Variants in RANBP2 observed in about 807,000 individuals in gnomAD.
RANBP2 encodes the protein E3 SUMO-protein ligase RanBP2.
Under a neutral mutation model 303.6 loss-of-function variants are expected in RANBP2, and 57 were observed. The observed-to-expected ratio is 0.19, with a 90% CI of 0.15 to 0.23. RANBP2 has a LOEUF of 0.23. RANBP2 is among the 10% of genes least tolerant of loss of function. The probability of loss-of-function intolerance (pLI) is 1.00; values close to 1 mark genes in which losing one functional copy is unlikely to be tolerated. For missense variants in RANBP2, 3,138 were observed against 3,780.8 expected, an observed-to-expected ratio of 0.83 and a Z score of 4.46; for synonymous variants, 1,167 against 1,301.5, an observed-to-expected ratio of 0.90 and a Z score of 2.23.
At chr2:108,892,462 A>C in the RANBP2 span, among the ~76,000 whole-genome samples, 1 of 151,576 alleles carries the variant, frequency 6.6e-6, no homozygotes, top group African/African-American at 2.4e-5. Context: ...CAGCAGCAAC[A>C]ATCTGGGTTT....
chr2:108,873,867 G>T, the RANBP2 span, among the ~76,000 whole-genome samples: 1 of 152,218 alleles, frequency 6.6e-6, no homozygotes, highest in South Asian at 2.1e-4. Flanking sequence ...GGACAAGCTT[G>T]ATTTAGACCT....
intron 1 of RANBP2, among the ~76,000 whole-genome samples, chr2:108,724,934 C>T (rs1694575270): frequency 6.6e-6 from 1 of 151,832 alleles, no homozygotes; most frequent in African/African-American, 2.4e-5. Flanking sequence ...TTTGACTGTG[C>T]AAGATGGGCG....
At chr2:108,770,216 T>C (rs190852927) in intron 20 of RANBP2, among the ~76,000 whole-genome samples, 57 of 152,304 alleles carry the variant, frequency 3.7e-4, no homozygotes, top group African/African-American at 1.3e-3. Flanking sequence ...ATGAAGACTT[T>C]AGACATGAGT....
chr2:109,657,136 C>T, the RANBP2 span, among the ~76,000 whole-genome samples: 9 of 152,130 alleles, frequency 5.9e-5, no homozygotes, highest in East Asian at 1.9e-4. Flanking sequence ...GAGTGCCCAA[C>T]GGTTATTGAC....
chr2:108,753,300 T>C, intron 13 of RANBP2, 126 bp from the exon 14 acceptor site: 4 of 1,604,936 alleles, frequency 2.5e-6, no homozygotes, highest in Non-Finnish European at 3.4e-6. Flanking sequence ...CTCTCACACA[T>C]AAGATATGAC....
At chr2:109,497,990 A>C in the RANBP2 span, among the ~76,000 whole-genome samples, 2 of 151,960 alleles carry the variant, frequency 1.3e-5, no homozygotes, top group African/African-American at 4.8e-5. Flanking sequence ...GATGGCGCTG[A>C]TCCTGTGGGC....
the RANBP2 span, among the ~76,000 whole-genome samples, chr2:109,607,095 C>T: frequency 6.6e-6 from 1 of 152,192 alleles, no homozygotes; most frequent in East Asian, 1.9e-4. Context: ...ATGGCCATCG[C>T]TTCGTTTACT....
chr2:109,198,069 C>T, the RANBP2 span, among the ~76,000 whole-genome samples: 1 of 152,130 alleles, frequency 6.6e-6, no homozygotes, highest in Non-Finnish European at 1.5e-5. Context: ...TGCAGTGTGT[C>T]AGTTGGGGGT....
At chr2:109,002,589 C>G in the RANBP2 span, among the ~76,000 whole-genome samples, 2 of 152,192 alleles carry the variant, frequency 1.3e-5, no homozygotes, top group Non-Finnish European at 2.9e-5. Context: ...CACAACCTGG[C>G]CCAGCCATCT....
the RANBP2 span, among the ~76,000 whole-genome samples, chr2:108,987,268 C>A: frequency 7.2e-5 from 11 of 152,210 alleles, no homozygotes; most frequent in African/African-American, 1.9e-4. Context: ...GTCAGGTAAC[C>A]CAGCTTCCAT....
chr2:108,864,629 C>G, the RANBP2 span, among the ~76,000 whole-genome samples: 1 of 151,938 alleles, frequency 6.6e-6, no homozygotes. Context: ...AACCCTGTCT[C>G]TACTAAAAAA....
chr2:109,684,200 C>T, the RANBP2 span, among the ~76,000 whole-genome samples: 1 of 145,536 alleles, frequency 6.9e-6, no homozygotes, highest in African/African-American at 2.5e-5. Flanking sequence ...CCTTAGCCTC[C>T]CAAAGTGCTG....
the RANBP2 span, chr2:109,552,896 A>G: frequency 4.0e-5 from 25 of 623,426 alleles, no homozygotes; most frequent in Non-Finnish European, 5.8e-5. Flanking sequence ...AAAAAAAAAG[A>G]AGGCCAAAGT....
At chr2:109,760,115 T>A in the RANBP2 span, among the ~76,000 whole-genome samples, 1 of 135,046 alleles carries the variant, frequency 7.4e-6, no homozygotes. Context: ...AATGTCATAG[T>A]GACTATATAA....
At chr2:109,313,308 G>A in the RANBP2 span, among the ~76,000 whole-genome samples, 1 of 152,224 alleles carries the variant, frequency 6.6e-6, no homozygotes, top group Non-Finnish European at 1.5e-5. Flanking sequence ...ATCCCAAGGG[G>A]GGAGGCTGGC....
chr2:108,980,191 G>C, the RANBP2 span, among the ~76,000 whole-genome samples: 1 of 152,138 alleles, frequency 6.6e-6, no homozygotes, highest in African/African-American at 2.4e-5. Context: ...AAGGTCTCCT[G>C]GTTGTTCTTT....
chr2:108,953,646 C>T, the RANBP2 span, among the ~76,000 whole-genome samples: 1 of 152,060 alleles, frequency 6.6e-6, no homozygotes, highest in Non-Finnish European at 1.5e-5. Context: ...TCTAGGAAGA[C>T]TAATTTGGTG....
chr2:108,854,028 A>T, the RANBP2 span, among the ~76,000 whole-genome samples: 3 of 109,090 alleles, frequency 2.8e-5, no homozygotes, highest in Non-Finnish European at 5.3e-5. Flanking sequence ...ATAAATTTAT[A>T]TTATATATAA....
chr2:109,076,761 A>G, the RANBP2 span, among the ~76,000 whole-genome samples: 1 of 150,666 alleles, frequency 6.6e-6, no homozygotes, highest in East Asian at 1.9e-4. Context: ...AAGAAATGGA[A>G]CGATATCTCA....
Sources: gnomAD v4.1 joint callset for allele counts (sites outside exome capture counted in the v4.1 genomes callset) on GRCh38, gnomAD v4.1.1 for gene constraint, MANE v1.5 for transcripts, NCBI Gene and HGNC (gene_info 2026-07-23, HGNC 2026-07-21) for gene names.